The following SPTA1 variants were observed in gnomAD, a reference collection of about 807,000 sequenced individuals.
SPTA1 encodes the protein spectrin alpha, erythrocytic 1, also known as spectrin alpha chain, erythrocytic 1.
SPTA1 carries 177 observed loss-of-function variants against 324.7 expected under a neutral mutation model. The ratio of observed to expected loss-of-function variants is 0.55; its 90% CI spans 0.48 to 0.62. The LOEUF (loss-of-function observed/expected upper bound fraction) is 0.62, where lower values mean the gene tolerates loss of function less well. Ranked by LOEUF, SPTA1 falls within the 20% of genes least tolerant of loss-of-function variation. SPTA1 has a pLI of 0.00. For synonymous variants in SPTA1, 1,195 were observed against 1,041.3 expected, an observed-to-expected ratio of 1.15 and a Z score of -2.84; for missense variants, 3,162 against 2,883.6, an observed-to-expected ratio of 1.10 and a Z score of -2.21.
chr1:158,676,447 A>G, intron 7 of SPTA1, 152 bp from the exon 8 acceptor site: 3 of 781,758 alleles, frequency 3.8e-6, no homozygotes, highest in Non-Finnish European at 2.0e-6. Flanking sequence ...AATGTACTAC[A>G]TTGATAATTA....
chr1:158,649,993 C>T, intron 24 of SPTA1, 46 bp from the exon 25 acceptor site: 1 of 1,348,830 alleles, frequency 7.4e-7, no homozygotes, highest in Admixed American at 1.7e-5. Context: ...AACTAACTCA[C>T]ATGGCTCAGT....
rs993581926 is a variant in SPTA1 at position 158,669,425 on chromosome 1, C to G, written c.1816G>C (p.Asp606His). The G allele has an allele frequency of 1.2e-6, 2 of 1,614,132 alleles. No individual in the cohort carries two copies. Among genetic ancestry groups the G allele is most frequent in the Non-Finnish European group, 1.7e-6 (2 of 1,179,964 alleles). Residue 606 changes from aspartate (D) to histidine (H), a missense_variant, in exon 14 of 52, where the codon GAT (aspartate) becomes CAT (histidine). Coordinates refer to ENST00000643759, the MANE Select transcript of SPTA1 (RefSeq NM_003126.4). The stretch of plus-strand genomic sequence containing the variant: ...CTGCCTACCTTGTAATCTTCATCAT[C>G]TGCCAACTTTTTCTTCTTGTTGATC... ...NWINKKKKLA[D>H]DEDYKDIQNL...
chr1:158,642,346 A>T, intron 33 of SPTA1, 65 bp downstream of exon 33: 1 of 1,509,478 alleles, frequency 6.6e-7, no homozygotes, highest in Non-Finnish European at 8.9e-7. Context: ...AAATTAAAAA[A>T]AAAGAAAGAG....
At chr1:158,611,614 A>G in intron 51 of SPTA1, 1 of 467,702 alleles carries the variant, frequency 2.1e-6, no homozygotes, top group East Asian at 4.1e-5. Flanking sequence ...ACTCACTTTG[A>G]TTATTCTGTA....
At chr1:158,617,844 A>G (rs1649654988) in intron 46 of SPTA1, among the ~76,000 whole-genome samples, 195 bp downstream of exon 46, 2 of 152,294 alleles carry the variant, frequency 1.3e-5, no homozygotes, top group South Asian at 2.1e-4. Flanking sequence ...CACTTAAGCA[A>G]TGTAGGCAAG....
chr1:158,613,081 A>G lies in SPTA1; in HGVS notation c.6990-120T>C, dbSNP rs531622697. 78 of 1,103,796 alleles carry G rather than the reference A, an allele frequency of 7.1e-5. 3 individuals carry two copies. In the South Asian group the frequency reaches 9.9e-4, roughly 14 times the overall value. 68.4% of individuals were successfully genotyped at this position (1,103,796 alleles called of 1,614,324 possible). A position where few individuals can be genotyped will look rare whatever the true frequency, so the allele number is the denominator to read the frequency against. ...CCAGATTCTCCAAGTGCCTCTTCCA[A>G]CTAAGCTTTCTGGGATGAGATGGGT... On this transcript the variant is annotated intron_variant, in intron 50 of 51. Transcript: ENST00000643759.
At chr1:158,648,442 A>C in intron 26 of SPTA1, 67 bp downstream of exon 26, 4 of 1,594,316 alleles carry the variant, frequency 2.5e-6, no homozygotes, top group Admixed American at 1.7e-5. Flanking sequence ...ACCAAAGAAG[A>C]GGGCATTGGT....
In SPTA1 at chr1:158,641,789, A is replaced by T. The variant is rs1296059103; in HGVS notation, c.4737+622T>A. 2.6e-5 allele frequency among the ~76,000 whole-genome samples: 4 copies of T among 152,294 alleles called. No individual in the cohort carries two copies. The East Asian group carries it at 7.7e-4, about 29-fold the overall frequency. ...GATCCAGAACTAGAAACACCATTTG[A>T]CCCAGCCTTCCCATTTCTGGGTATA... is the stretch of plus-strand genomic sequence containing the variant. On this transcript the variant is annotated intron_variant, in intron 33 of 51. Coordinates refer to ENST00000643759, the MANE Select transcript of SPTA1 (RefSeq NM_003126.4).
At position 158,649,895 on chromosome 1, in the gene SPTA1, T is replaced by C. The variant is rs1652294742; in HGVS notation, c.3530A>G (p.Gln1177Arg). 6.2e-7 allele frequency: 1 copy of C among 1,613,772 alleles called. No individual in the cohort carries two copies. Among genetic ancestry groups the C allele is most frequent in the Non-Finnish European group, 8.5e-7 (1 of 1,179,898 alleles). The change falls in exon 25 of 52, where the codon CAG (glutamine) becomes CGG (arginine). Residue 1177 changes from glutamine to arginine, a missense_variant. Transcript: ENST00000643759. The stretch of plus-strand genomic sequence containing the variant: ...AACAGCATGGGCACTGCCCAGCAGC[T>C]GCCGCTGTTCATCTGCAAGCCTCTG... ...SLQRLADEQR[Q>R]LLGSAHAVEV...
chr1:158,649,269 A>G (rs1407057492), intron 25 of SPTA1, among the ~76,000 whole-genome samples: 1 of 152,048 alleles, frequency 6.6e-6, no homozygotes, highest in Non-Finnish European at 1.5e-5. Context: ...TTTCAACTTC[A>G]AGTTTCTTTC....
At chr1:158,644,884 C>G (rs780674413) in intron 29 of SPTA1, among the ~76,000 whole-genome samples, 1 of 152,138 alleles carries the variant, frequency 6.6e-6, no homozygotes, top group Non-Finnish European at 1.5e-5. Flanking sequence ...CTCCGAGCCT[C>G]CACAGAGTAG....
Position 158,656,663 on chromosome 1 carries a change from T to C in SPTA1, c.2806-7A>G. 1 of 1,608,956 alleles carries C rather than the reference T, an allele frequency of 6.2e-7. No individual in the cohort carries two copies. The highest frequency in any genetic ancestry group is 1.3e-5 in the African/African-American group (1 of 74,882). On this transcript the variant is annotated splice_region_variant and splice_polypyrimidine_tract_variant and intron_variant, in intron 19 of 51. Coordinates refer to ENST00000643759, the MANE Select transcript of SPTA1 (RefSeq NM_003126.4). ...CATGCTTCTTTAGAAGAGCCTGCAT[T>C]TATTGATGGAAGATCATCAGAATGA... is the stretch of plus-strand genomic sequence containing the variant.
chr1:158,622,671 C>A, intron 43 of SPTA1: 1 of 337,016 alleles, frequency 3.0e-6, no homozygotes, highest in South Asian at 2.5e-5. Context: ...CAGGGACAAC[C>A]TTGACTTTTG....
rs1649245532 is a variant in SPTA1, at chr1:158,611,298, T to C, written c.7226A>G (p.Tyr2409Cys). 6 of 1,613,716 alleles carry C rather than the reference T, an allele frequency of 3.7e-6. No homozygotes were observed. The highest frequency in any genetic ancestry group is 5.1e-6 in the Non-Finnish European group (6 of 1,179,820). The change falls in exon 52 of 52, where the codon TAC becomes TGC. Residue 2409 changes from tyrosine (Y) to cysteine (C), a missense_variant. Physicochemically the swap from Tyr to Cys is radical, Grantham distance 194. Coordinates refer to ENST00000643759, the MANE Select transcript of SPTA1 (RefSeq NM_003126.4). ...AAAGTAGGAATTGGTGAAGCCAACG[T>C]AGTCATAGCCAGAGAGATGGCTTCG... ...RGRSHLSGYD[Y>C]VGFTNSYFGN
chr1:158,643,451 C>G, intron 30 of SPTA1, 26 bp from the exon 31 acceptor site: 1 of 1,606,074 alleles, frequency 6.2e-7, no homozygotes, highest in Non-Finnish European at 8.5e-7. Flanking sequence ...GGAAAGAGCC[C>G]AGATGCTTGG....
intron 16 of SPTA1, among the ~76,000 whole-genome samples, chr1:158,665,591 T>A (rs754716852): frequency 6.6e-6 from 1 of 152,178 alleles, no homozygotes; most frequent in Non-Finnish European, 1.5e-5. Context: ...ACTTTTGGAA[T>A]AAATTCATTT....
Position 158,611,282 on chromosome 1 carries a change from A to G in SPTA1, c.7242T>C (p.Asn2414=). 1.9e-6 allele frequency: 3 copies of G among 1,613,796 alleles called. No individual in the cohort carries two copies. Among genetic ancestry groups the G allele is most frequent in the Non-Finnish European group, 2.5e-6 (3 of 1,179,760 alleles). The change falls in exon 52 of 52, where the codon AAT becomes AAC. Residue 2414 remains asparagine (N), a synonymous_variant. Transcript: ENST00000643759. ...CTGCTTATTAGTTGCCAAAGTAGGA[A>G]TTGGTGAAGCCAACGTAGTCATAGC... The part of the protein sequence containing the change: ...LSGYDYVGFT[N]SYFGN
At chr1:158,684,852 AC>A (rs1287092835) in intron 2 of SPTA1, among the ~76,000 whole-genome samples, 15 of 152,150 alleles carry the variant, frequency 9.9e-5, no homozygotes, top group African/African-American at 3.6e-4. Flanking sequence ...TGTGCTTTCA[AC>A]AACTGAAAAA....
intron 39 of SPTA1, among the ~76,000 whole-genome samples, chr1:158,631,220 A>G (rs1204751350): frequency 2.0e-5 from 3 of 152,228 alleles, no homozygotes; most frequent in Non-Finnish European, 2.9e-5. Context: ...TTATTGCCCA[A>G]TTAATGAGTA....
Sources: allele counts gnomAD v4.1 joint callset (sites outside exome capture counted in the v4.1 genomes callset), GRCh38; gene constraint gnomAD v4.1.1; transcripts MANE v1.5; gene names NCBI Gene and HGNC (gene_info 2026-07-23, HGNC 2026-07-21).